PYGM: variants seen among roughly 807,000 people sequenced by gnomAD.
The protein encoded by PYGM is glycogen phosphorylase, muscle form.
A neutral mutation model predicts 99.3 loss-of-function variants in PYGM; 81 were observed. The ratio of observed to expected loss-of-function variants is 0.82; its 90% CI spans 0.68 to 0.98. The LOEUF (loss-of-function observed/expected upper bound fraction) is 0.98, where lower values mean the gene tolerates loss of function less well. Among genes scored for constraint, PYGM ranks in the 50% least tolerant of loss-of-function variants. The probability of loss-of-function intolerance (pLI) is 0.00; values close to 1 mark genes in which losing one functional copy is unlikely to be tolerated. For synonymous variants in PYGM, 436 were observed against 451.5 expected (o/e 0.97, Z 0.44); for missense variants, 1,030 against 1,158.1 (o/e 0.89, Z 1.61).
At chr11:64,749,074 G>A (rs1377424583) in intron 17 of PYGM, among the ~76,000 whole-genome samples, 4 of 151,464 alleles carry the variant, frequency 2.6e-5, no homozygotes, top group Admixed American at 6.6e-5. Context: ...TAGGCCAGGC[G>A]CAGTGGCTCA....
chr11:64,754,239 G>T lies in PYGM; in HGVS notation c.1092+14C>A. On this transcript the variant is annotated intron_variant, in intron 9 of 19. Coordinates refer to ENST00000164139, the MANE Select transcript of PYGM (RefSeq NM_005609.4). This position sits in a 1 kb window ranked among gnomAD's most constrained non-coding sequence, Gnocchi z 5.5. ...AGAGAGCATCAGATGGGGCAGAGGG[G>T]CCCTGAAGCCCACCTTGTCCCAGTC... The T allele has an allele frequency of 6.2e-7, 1 of 1,605,816 alleles. No homozygotes were observed. Among genetic ancestry groups the T allele is most frequent in the Non-Finnish European group, 8.5e-7 (1 of 1,172,838 alleles).
Position 64,748,040 on chromosome 11 carries a change from CA to C in PYGM, c.2178-683del, listed in dbSNP as rs60245239. The C allele has an allele frequency of 4.6e-3, 596 of 130,840 alleles. 6 individuals carry two copies. The highest frequency in any genetic ancestry group is 0.037 in the East Asian group (172 of 4,646). 8.1% of individuals were successfully genotyped at this position (130,840 alleles called of 1,614,324 possible). ...TGGGCAACAGAGCAAGACTCCATCT[CA>C]AAAAAAAAAAAAAAGATAACCCTTC... On this transcript the variant is annotated intron_variant, in intron 17 of 19. Transcript: ENST00000164139.
In PYGM at chr11:64,753,671, G is replaced by A. The variant is rs1328262607; in HGVS notation, c.1251C>T (p.Ala417=). 10 of 1,607,372 alleles carry A rather than the reference G, an allele frequency of 6.2e-6. No individual in the cohort carries two copies. Among genetic ancestry groups the A allele is most frequent in the South Asian group, 3.3e-5 (3 of 90,468 alleles). Residue 417 remains alanine, a synonymous_variant, in exon 11 of 20, where the codon GCC becomes GCT. Transcript: ENST00000164139. ...GCCGGTCTACGTCCCCTGGGAATGCGGCCGCCACCCGCTGTGCCCAGAGAG... is the reference window on the plus strand; with the variant it reads ...GCCGGTCTACGTCCCCTGGGAATGCAGCCGCCACCCGCTGTGCCCAGAGAG... ...INQRFLNRVA[A]AFPGDVDRLR... is the part of the protein sequence containing the mutation.
At chr11:64,758,089 AG>A (rs1303678788) in intron 4 of PYGM, among the ~76,000 whole-genome samples, 156 bp downstream of exon 4, 4 of 148,112 alleles carry the variant, frequency 2.7e-5, no homozygotes, top group African/African-American at 2.5e-5. Flanking sequence ...CACCTGTTTC[AG>A]GGGCACCAGC....
chr11:64,752,258 T>C, intron 13 of PYGM, 145 bp downstream of exon 13: 1 of 1,284,466 alleles, frequency 7.8e-7, no homozygotes, highest in East Asian at 2.4e-5. Flanking sequence ...AGATGATGCC[T>C]TCCCACCACA....
At position 64,754,627 on chromosome 11, in the gene PYGM, G is replaced by A. The variant is rs889932522; in HGVS notation, c.999+66C>T. The A allele has an allele frequency of 5.7e-5, 90 of 1,589,420 alleles. No individual in the cohort carries two copies. Among genetic ancestry groups the A allele is most frequent in the African/African-American group, 1.2e-4 (9 of 74,378 alleles). Reference sequence around the variant, plus strand: ...ATCTATTACATGGGGCAGGCAGGCCGAGGCTGGAGGGAGAGGCCTAGCACA... The same window carrying A: ...ATCTATTACATGGGGCAGGCAGGCCAAGGCTGGAGGGAGAGGCCTAGCACA... On this transcript the variant is annotated intron_variant, in intron 8 of 19. Coordinates refer to ENST00000164139, the MANE Select transcript of PYGM (RefSeq NM_005609.4). This position sits in a 1 kb window ranked among gnomAD's most constrained non-coding sequence, Gnocchi z 5.5.
chr11:64,760,059 G>A (rs2058424762), upstream of PYGM: 3 of 1,159,646 alleles, frequency 2.6e-6, no homozygotes, highest in South Asian at 3.1e-5. Context: ...TCTTGGCCTG[G>A]CAGCTCAGGG....
chr11:64,746,988 C>A lies in PYGM; in HGVS notation c.2313-1G>T. The A allele has an allele frequency of 6.2e-7, 1 of 1,614,126 alleles. No homozygotes were observed. The highest frequency in any genetic ancestry group is 8.5e-7 in the Non-Finnish European group (1 of 1,179,988). ...TTCATAATCTGCGAAGACTTTAAAC[C>A]TGGAGGGGAAAGGATAGGCATGTGC... On this transcript the variant is annotated splice_acceptor_variant, in intron 18 of 19. Coordinates refer to ENST00000164139, the MANE Select transcript of PYGM (RefSeq NM_005609.4). LOFTEE classifies it high-confidence loss of function.
At position 64,747,340 on chromosome 11, in the gene PYGM, G is replaced by A. The variant is rs752486093; in HGVS notation, c.2196C>T (p.Tyr732=). ...GCCGAAGCTCAGGAATGCGATCGTA[G>A]TACTCCTGGGCATTGTACCTGCCAG... ...LDQRGYNAQE[Y]YDRIPELRQV... Residue 732 remains tyrosine (Y), a synonymous_variant, in exon 18 of 20, where the codon TAC becomes TAT. Coordinates refer to ENST00000164139, the MANE Select transcript of PYGM (RefSeq NM_005609.4). The A allele has an allele frequency of 1.2e-6, 2 of 1,614,188 alleles. No individual in the cohort carries two copies. Among genetic ancestry groups the A allele is most frequent in the East Asian group, 2.2e-5 (1 of 44,884 alleles).
chr11:64,751,345 C>A lies in PYGM; in HGVS notation c.1949G>T (p.Arg650Leu). Residue 650 changes from arginine to leucine, a missense_variant, in exon 16 of 20, where the codon CGA becomes CTA. Physicochemically the swap from Arg to Leu is moderately radical, Grantham distance 102 (BLOSUM62 -2). Coordinates refer to ENST00000164139, the MANE Select transcript of PYGM (RefSeq NM_005609.4). ...RLRVIFLENY[R>L]VSLAEKVIPA... ...CCCACCTTTCTCGGCCAGTGAGACTCGGTAGTTCTCCAGGAAGATGACACG... is the reference window on the plus strand; with the variant it reads ...CCCACCTTTCTCGGCCAGTGAGACTAGGTAGTTCTCCAGGAAGATGACACG... 1 of 1,614,154 alleles carries A rather than the reference C, an allele frequency of 6.2e-7. No individual in the cohort carries two copies. The highest frequency in any genetic ancestry group is 8.5e-7 in the Non-Finnish European group (1 of 1,180,044).
chr11:64,751,880 C>A (rs1320136305), intron 14 of PYGM, 44 bp downstream of exon 14: 1 of 1,612,454 alleles, frequency 6.2e-7, no homozygotes, highest in African/African-American at 1.3e-5. Context: ...GCCGCAGGAA[C>A]ACGGGGGAGC....
intron 5 of PYGM, among the ~76,000 whole-genome samples, chr11:64,756,748 C>T (rs950780709): frequency 2.8e-4 from 43 of 152,116 alleles, no homozygotes; most frequent in Middle Eastern, 3.4e-3. Flanking sequence ...TCACCACGCC[C>T]GGCCTAAACT....
rs183026465 is a variant in PYGM at position 64,754,684 on chromosome 11, G to C, written c.999+9C>G. ...CCGGTCACAGAGTCGCCCTCCACAC[G>C]CATGGTACCTTATCTGGGAAGGCAT... is the stretch of plus-strand genomic sequence containing the variant. On this transcript the variant is annotated intron_variant, in intron 8 of 19. Transcript: ENST00000164139. The surrounding 1 kb of genome is among the most constrained non-coding windows in gnomAD (Gnocchi z 5.5). 1.2e-6 allele frequency: 2 copies of C among 1,612,772 alleles called. No individual in the cohort carries two copies. The highest frequency in any genetic ancestry group is 1.7e-6 in the Non-Finnish European group (2 of 1,179,792).
chr11:64,747,475 C>G, intron 17 of PYGM, 117 bp from the exon 18 acceptor site: 1 of 1,388,234 alleles, frequency 7.2e-7, no homozygotes, highest in Non-Finnish European at 1.0e-6. Flanking sequence ...CTGCTGCTCC[C>G]CAGGGCTGCC....
Position 64,758,672 on chromosome 11 carries a change from C to A in PYGM, c.276G>T (p.Met92Ile). The A allele has an allele frequency of 1.2e-6, 2 of 1,612,624 alleles. No individual in the cohort carries two copies. Among genetic ancestry groups the A allele is most frequent in the South Asian group, 2.2e-5 (2 of 91,046 alleles). ...CCATGGTGTTCTGTAGCGTCCGTCC[C>A]ATATAGAACTCTAAAGACAGGTAGT... The part of the protein sequence containing the change: ...RIYYLSLEFY[M>I]GRTLQNTMVN... Residue 92 changes from methionine (M) to isoleucine (I), a missense_variant, in exon 2 of 20, where the codon ATG becomes ATT. Coordinates refer to ENST00000164139, the MANE Select transcript of PYGM (RefSeq NM_005609.4).
chr11:64,750,619 G>A, intron 16 of PYGM, 36 bp from the exon 17 acceptor site: 1 of 1,602,320 alleles, frequency 6.2e-7, no homozygotes, highest in Non-Finnish European at 8.5e-7. Flanking sequence ...GTCAACTCAG[G>A]GAAGACCCTC....
rs571976523 is a variant in PYGM, at chr11:64,752,089, GA to G, written c.1621-19del. 576 of 1,613,992 alleles carry G rather than the reference GA, an allele frequency of 3.6e-4. No individual in the cohort carries two copies. In the African/African-American group the frequency reaches 6.4e-3, roughly 18 times the overall value. On this transcript the variant is annotated intron_variant, in intron 13 of 19. Transcript: ENST00000164139. ...TTGTTTTCCTGGAGGCAGAGACGGG[GA>G]AGGGCTCACCAACAGGCCACAGCCT...
upstream of PYGM, chr11:64,760,015 G>A: frequency 1.4e-6 from 2 of 1,473,962 alleles, no homozygotes; most frequent in South Asian, 1.3e-5. Context: ...CCTGGCTCTG[G>A]GCAGCACGCC....
intron 17 of PYGM, chr11:64,748,550 T>C (rs1371442132): frequency 6.6e-6 from 1 of 152,202 alleles, no homozygotes; most frequent in Non-Finnish European, 1.5e-5. Context: ...CTGATAATTA[T>C]CTTAAGGAAA....
Sources: allele counts gnomAD v4.1 joint callset (sites outside exome capture counted in the v4.1 genomes callset), GRCh38; gene constraint gnomAD v4.1.1; non-coding constraint Gnocchi (gnomAD v3.1); transcripts MANE v1.5; gene names NCBI Gene and HGNC (gene_info 2026-07-23, HGNC 2026-07-21).